The following DARS2 variants were observed in gnomAD, a reference collection of about 807,000 sequenced individuals.
The protein encoded by DARS2 is aspartate--tRNA ligase, mitochondrial.
In DARS2, 63 loss-of-function variants were observed where a neutral mutation model predicts 83.0. That is an observed-to-expected ratio of 0.76 (90% CI 0.62 to 0.94). The LOEUF (loss-of-function observed/expected upper bound fraction) is 0.94. Ranked by LOEUF, DARS2 falls within the 40% of genes least tolerant of loss-of-function variation. The pLI is 0.00. For synonymous variants in DARS2, 250 were observed against 269.3 expected (o/e 0.93, Z 0.70); for missense variants, 675 against 774.4 (o/e 0.87, Z 1.52).
intron 12 of DARS2, among the ~76,000 whole-genome samples, chr1:173,848,787 A>C (rs1557861744): frequency 6.6e-6 from 1 of 152,232 alleles, no homozygotes; most frequent in Non-Finnish European, 1.5e-5. Flanking sequence ...ACACACTTGA[A>C]GAGCCCTTTC....
rs535509024 is a variant in DARS2 at position 173,850,106 on chromosome 1, C to A, written c.1192-221C>A. Among the ~76,000 whole-genome samples the A allele has an allele frequency of 2.6e-5, 4 of 151,748 alleles. No homozygotes were observed. In the East Asian group the frequency reaches 7.7e-4, roughly 29 times the overall value. On this transcript the variant is annotated intron_variant, in intron 12 of 16. Coordinates refer to ENST00000649689, the MANE Select transcript of DARS2 (RefSeq NM_018122.5). ...TCCTGAGGTGATCCACCCACCTCAG[C>A]CTCCCAAAGTGCTGGGATTACAGGT... is the stretch of plus-strand genomic sequence containing the variant.
At chr1:173,852,179 G>A in intron 13 of DARS2, 7 of 985,398 alleles carry the variant, frequency 7.1e-6, no homozygotes, top group South Asian at 4.7e-5. Context: ...AGAATGGGCT[G>A]CAAAATAATA....
In DARS2 at chr1:173,825,448, CCAT is replaced by C. The variant is rs1470275815; in HGVS notation, c.127+93_127+95del. The stretch of plus-strand genomic sequence containing the variant: ...TTTATTCCATTTTTCATTTTTTCCC[CCAT>C]TATTATTATTATTATTATTATTATT... On this transcript the variant is annotated intron_variant, in intron 1 of 16. Transcript: ENST00000649689. 8.7e-4 allele frequency: 564 copies of C among 646,146 alleles called. 9 individuals are homozygous for C. Among genetic ancestry groups the C allele is most frequent in the Non-Finnish European group, 1.2e-3 (532 of 451,092 alleles). The allele number at this position is 646,146 out of a possible 1,614,324, so 40.0% of individuals were successfully genotyped here. A position where few individuals can be genotyped will look rare whatever the true frequency, so the allele number is the denominator to read the frequency against.
chr1:173,854,739 A>T (rs1393215140), intron 15 of DARS2, among the ~76,000 whole-genome samples: 1 of 152,238 alleles, frequency 6.6e-6, no homozygotes, highest in African/African-American at 2.4e-5. Context: ...AAAAATGTTG[A>T]TAATGTTAGA....
chr1:173,834,491 C>T lies in DARS2; in HGVS notation c.635C>T (p.Thr212Ile). 6.2e-7 allele frequency: 1 copy of T among 1,607,022 alleles called. No individual in the cohort carries two copies. Among genetic ancestry groups the T allele is most frequent in the Non-Finnish European group, 8.5e-7 (1 of 1,173,882 alleles). Residue 212 changes from threonine (T) to isoleucine (I), a missense_variant, in exon 7 of 17, where the codon ACC becomes ATC. Thr to Ile is a moderately conservative substitution (Grantham distance 89). Coordinates refer to ENST00000649689, the MANE Select transcript of DARS2 (RefSeq NM_018122.5). The part of the protein sequence containing the change: ...CNLHGFVDIE[T>I]PTLFKRTPGG... ...TTTTTAGGGTTTGTGGATATAGAAA[C>T]CCCCACATTGTTTAAGAGGACCCCA... is the stretch of plus-strand genomic sequence containing the variant.
chr1:173,834,374 TA>T, intron 6 of DARS2, 98 bp from the exon 7 acceptor site: 1 of 930,390 alleles, frequency 1.1e-6, no homozygotes, highest in Non-Finnish European at 1.8e-6. Context: ...AATTCTTAAT[TA>T]AAGGGAAGCC....
rs750245584 is a variant in DARS2, at chr1:173,836,912, CTTCTCTCTCT to C, written c.664-15_664-6del. ...TTGTTTTTGTTTTTTAATAATCTGT[CTTCTCTCTCT>C]TTCTCTCTCTTTGAAAGGGTGCCAA... On this transcript the variant is annotated intron_variant, in intron 7 of 16. Transcript: ENST00000649689. 1.5e-5 allele frequency: 24 copies of C among 1,588,638 alleles called. No homozygotes were observed. Among genetic ancestry groups the C allele is most frequent in the African/African-American group, 2.7e-5 (2 of 74,350 alleles).
At chr1:173,827,633 G>GA (rs34923858) in intron 2 of DARS2, among the ~76,000 whole-genome samples, 45 of 144,836 alleles carry the variant, frequency 3.1e-4, no homozygotes, top group South Asian at 1.1e-3. Context: ...TCCGTCTCAG[G>GA]AAAAAAAAAA....
chr1:173,837,456 A>G (rs537497488), intron 8 of DARS2, among the ~76,000 whole-genome samples: 2 of 152,324 alleles, frequency 1.3e-5, no homozygotes, highest in Admixed American at 6.5e-5. Context: ...TGTGAGCTAG[A>G]TCGTTGAGGA....
chr1:173,853,958 C>T, intron 15 of DARS2, 53 bp downstream of exon 15: 7 of 1,483,476 alleles, frequency 4.7e-6, no homozygotes, highest in Non-Finnish European at 6.6e-6. Flanking sequence ...GAATATTTTT[C>T]AGTTTTGTGT....
chr1:173,846,125 T>G (rs180711051), intron 12 of DARS2, among the ~76,000 whole-genome samples: 1 of 150,660 alleles, frequency 6.6e-6, no homozygotes, highest in African/African-American at 2.4e-5. Flanking sequence ...GCCACTGCAC[T>G]CCAGCCTGGA....
chr1:173,841,481 G>A (rs373321988), intron 11 of DARS2, among the ~76,000 whole-genome samples: 5 of 151,902 alleles, frequency 3.3e-5, no homozygotes, highest in African/African-American at 9.7e-5. Flanking sequence ...TTCCAGATCC[G>A]GGGTGTTTTT....
intron 2 of DARS2, among the ~76,000 whole-genome samples, chr1:173,827,439 C>T (rs1482344156): frequency 2.6e-5 from 4 of 152,186 alleles, no homozygotes; most frequent in South Asian, 4.2e-4. Context: ...ACCAGCCCAG[C>T]CAATATGATG....
intron 2 of DARS2, among the ~76,000 whole-genome samples, chr1:173,827,131 A>G (rs1426505774): frequency 6.6e-6 from 1 of 152,180 alleles, no homozygotes; most frequent in Admixed American, 6.5e-5. Context: ...CCAGCCTCCT[A>G]TAAACCAGCT....
At chr1:173,834,390 A>G in intron 6 of DARS2, 83 bp from the exon 7 acceptor site, 3 of 1,054,778 alleles carry the variant, frequency 2.8e-6, no homozygotes, top group East Asian at 2.4e-5. Context: ...GAAGCCTCAG[A>G]TTTGTTGTAC....
chr1:173,839,696 GA>G, intron 10 of DARS2, 150 bp downstream of exon 10: 1 of 702,574 alleles, frequency 1.4e-6, no homozygotes, highest in Non-Finnish European at 2.5e-6. Flanking sequence ...GAGCAAGAGA[GA>G]ATAATAGCAT....
In DARS2 at chr1:173,828,312, TTC is replaced by T. The variant is rs1491180674; in HGVS notation, c.228-20_228-19del. ...GAGATTTTATCTTAAAATGTTTCTT[TTC>T]CCCCCCCCCATTAATCAGGCAAAAC... On this transcript the variant is annotated intron_variant, in intron 2 of 16. Coordinates refer to ENST00000649689, the MANE Select transcript of DARS2 (RefSeq NM_018122.5). 709 of 1,548,710 alleles carry T rather than the reference TTC, an allele frequency of 4.6e-4. No individual in the cohort carries two copies. Among genetic ancestry groups the T allele is most frequent in the Non-Finnish European group, 5.5e-4 (626 of 1,130,936 alleles).
chr1:173,854,686 A>AC (rs1487491708), intron 15 of DARS2, among the ~76,000 whole-genome samples: 3 of 152,236 alleles, frequency 2.0e-5, no homozygotes, highest in Admixed American at 2.0e-4. Flanking sequence ...GCTTGAAAAA[A>AC]TAAAAATCAA....
intron 1 of DARS2, among the ~76,000 whole-genome samples, chr1:173,826,100 T>C (rs1179412069): frequency 6.6e-6 from 1 of 151,608 alleles, no homozygotes. Context: ...GGCGGGCGCC[T>C]GTAGTCCCCG....
Sources: gnomAD v4.1 joint callset for allele counts (sites outside exome capture counted in the v4.1 genomes callset) on GRCh38, gnomAD v4.1.1 for gene constraint, MANE v1.5 for transcripts, NCBI Gene and HGNC (gene_info 2026-07-23, HGNC 2026-07-21) for gene names.